CCDC141: variants seen among roughly 807,000 people sequenced by gnomAD.
CCDC141 encodes the protein coiled-coil domain containing 141.
Under a neutral mutation model 181.0 loss-of-function variants are expected in CCDC141, and 168 were observed. That is an observed-to-expected ratio of 0.93 (90% confidence interval 0.82 to 1.05). CCDC141 has a LOEUF of 1.05. CCDC141 is among the 50% of genes least tolerant of loss of function. The pLI is 0.00. For synonymous variants in CCDC141, 666 were observed against 642.3 expected, an observed-to-expected ratio of 1.04 and a Z score of -0.56; for missense variants, 1,902 against 1,788.5, an observed-to-expected ratio of 1.06 and a Z score of -1.14.
At chr2:178,821,707 A>T in the CCDC141 span, among the ~76,000 whole-genome samples, 641 of 152,302 alleles carry the variant, frequency 4.2e-3, 3 homozygotes, top group African/African-American at 0.015. Flanking sequence ...AACCACAATG[A>T]GATACCATCT....
rs781468529 is a variant in CCDC141 at position 178,855,421 on chromosome 2, C to T, written c.2986G>A (p.Asp996Asn). Residue 996 changes from aspartate (D) to asparagine (N), a missense_variant, in exon 19 of 24, where the codon GAC becomes AAC. Asp to Asn is a conservative substitution (Grantham distance 23). Coordinates refer to ENST00000443758, the MANE Select transcript of CCDC141 (RefSeq NM_173648.4). The stretch of plus-strand genomic sequence containing the variant: ...TAATCTGTCACAACTTTGTCAAAGT[C>T]ATCCACATGTTTTTGCAAATCCTTC... ...VMKDLQKHVD[D>N]FDKVVTDYKK... The T allele has an allele frequency of 4.3e-6, 7 of 1,611,952 alleles. No homozygotes were observed. The South Asian group carries it at 7.7e-5, about 18-fold the overall frequency.
At chr2:179,032,159 A>G (rs191122462) in intron 2 of CCDC141, among the ~76,000 whole-genome samples, 18 of 152,244 alleles carry the variant, frequency 1.2e-4, no homozygotes, top group Admixed American at 1.2e-3. Context: ...CAGGGGCTTT[A>G]GGTTCCTCAC....
chr2:178,847,560 G>A (rs1684991673), intron 21 of CCDC141, among the ~76,000 whole-genome samples: 1 of 152,104 alleles, frequency 6.6e-6, no homozygotes, highest in African/African-American at 2.4e-5. Context: ...ATAAATACAA[G>A]GCAAAGCATA....
In CCDC141 at chr2:179,013,916, A is replaced by G. The variant is rs988052140; in HGVS notation, c.225+33368T>C. Among the ~76,000 whole-genome samples the G allele has an allele frequency of 5.1e-5, 7 of 137,734 alleles. No individual in the cohort carries two copies. In the East Asian group the frequency reaches 6.8e-4, roughly 13 times the overall value. The allele number at this position is 137,734 out of a possible 152,430, so 90.4% of individuals were successfully genotyped here. A position where few individuals can be genotyped will look rare whatever the true frequency, so the allele number is the denominator to read the frequency against. ...GAACTTGCAGTGAACTGCCAAGATC[A>G]CACCACTGCACTCCAGCCTGGGCTA... On this transcript the variant is annotated intron_variant, in intron 2 of 23. Coordinates refer to ENST00000443758, the MANE Select transcript of CCDC141 (RefSeq NM_173648.4).
At chr2:178,908,360 A>G (rs1688074580) in intron 7 of CCDC141, among the ~76,000 whole-genome samples, 1 of 151,862 alleles carries the variant, frequency 6.6e-6, no homozygotes, top group Admixed American at 6.6e-5. Flanking sequence ...ACACCCAGCT[A>G]ATTTTTGTAT....
chr2:178,820,758 T>C, the CCDC141 span, among the ~76,000 whole-genome samples: 5 of 152,190 alleles, frequency 3.3e-5, no homozygotes, highest in Admixed American at 2.0e-4. Flanking sequence ...AGAAAAATAA[T>C]TTGACTTAAT....
intron 8 of CCDC141, among the ~76,000 whole-genome samples, chr2:178,894,609 C>T (rs993360792): frequency 6.6e-6 from 1 of 151,316 alleles, no homozygotes; most frequent in Non-Finnish European, 1.5e-5. Flanking sequence ...TTAGAAATCA[C>T]AGAAATGAAA....
chr2:178,875,815 A>G (rs2154369597), intron 12 of CCDC141: 1 of 152,338 alleles, frequency 6.6e-6, no homozygotes. Context: ...ACGCAGTTTG[A>G]AAGTATTTGA....
At chr2:178,893,889 G>A (rs919704498) in intron 8 of CCDC141, among the ~76,000 whole-genome samples, 1 of 151,708 alleles carries the variant, frequency 6.6e-6, no homozygotes, top group East Asian at 1.9e-4. Context: ...ACAGAAAGCA[G>A]TAAGTGTGGC....
chr2:178,862,200 T>C (rs1685650834), intron 17 of CCDC141, among the ~76,000 whole-genome samples: 1 of 152,226 alleles, frequency 6.6e-6, no homozygotes. Flanking sequence ...ATATACTAAG[T>C]CCTTTTCTGC....
chr2:178,875,888 G>A (rs766662571), intron 12 of CCDC141: 4 of 152,140 alleles, frequency 2.6e-5, no homozygotes, highest in Admixed American at 6.5e-5. Context: ...ATTGAACCAC[G>A]TAGAAGTGTG....
At chr2:178,865,679 G>A (rs1685814318) in intron 17 of CCDC141, 88 bp downstream of exon 17, 1 of 1,203,962 alleles carries the variant, frequency 8.3e-7, no homozygotes, top group Non-Finnish European at 1.1e-6. Flanking sequence ...GTGTGTGGGA[G>A]TGTGCACAAA....
chr2:178,996,825 G>A (rs938878796), intron 2 of CCDC141, among the ~76,000 whole-genome samples: 2 of 152,106 alleles, frequency 1.3e-5, no homozygotes, highest in African/African-American at 2.4e-5. Context: ...GTATTTTCTC[G>A]AAGAAAGTCA....
intron 4 of CCDC141, among the ~76,000 whole-genome samples, chr2:178,962,969 C>T (rs1690472229): frequency 1.3e-5 from 2 of 152,168 alleles, no homozygotes; most frequent in Admixed American, 1.3e-4. Flanking sequence ...CCTCAAAGTA[C>T]AAATCAGATG....
At chr2:178,857,666 A>T (rs1003298549) in intron 17 of CCDC141, among the ~76,000 whole-genome samples, 1 of 152,206 alleles carries the variant, frequency 6.6e-6, no homozygotes, top group Non-Finnish European at 1.5e-5. Flanking sequence ...ACCAAAGAGA[A>T]GTACAGAGAA....
rs745584384 is a variant in CCDC141, at chr2:178,855,448, T to C, written c.2959A>G (p.Met987Val). The change falls in exon 19 of 24, where the codon ATG becomes GTG. Residue 987 changes from methionine to valine, a missense_variant. Coordinates refer to ENST00000443758, the MANE Select transcript of CCDC141 (RefSeq NM_173648.4). ...SDKVNVLLEV[M>V]KDLQKHVDDF... is the part of the protein sequence containing the mutation. ...TCCACATGTTTTTGCAAATCCTTCA[T>C]GACTTCCAAAAGGACATTAACTTTA... The C allele has an allele frequency of 1.9e-6, 3 of 1,612,060 alleles. No individual in the cohort carries two copies. Among genetic ancestry groups the C allele is most frequent in the African/African-American group, 1.3e-5 (1 of 74,998 alleles).
intron 6 of CCDC141, among the ~76,000 whole-genome samples, chr2:178,941,958 C>CAAAAAAAA (rs66903231): frequency 1.4e-4 from 10 of 71,488 alleles, no homozygotes; most frequent in African/African-American, 5.6e-4. Flanking sequence ...GATCCCATCT[C>CAAAAAAAA]AAAAAAAAAA....
At chr2:178,987,801 T>A (rs1190910349) in intron 2 of CCDC141, among the ~76,000 whole-genome samples, 5 of 149,644 alleles carry the variant, frequency 3.3e-5, no homozygotes, top group African/African-American at 1.2e-4. Context: ...ATGGCAATCA[T>A]TAAAAAGTCA....
chr2:178,866,259 G>A (rs746858582), intron 16 of CCDC141, among the ~76,000 whole-genome samples: 2 of 152,162 alleles, frequency 1.3e-5, no homozygotes, highest in Non-Finnish European at 2.9e-5. Flanking sequence ...TAATTTTCCT[G>A]TCAACTTGAG....
Sources: allele counts gnomAD v4.1 joint callset (sites outside exome capture counted in the v4.1 genomes callset), GRCh38; gene constraint gnomAD v4.1.1; transcripts MANE v1.5; gene names NCBI Gene and HGNC (gene_info 2026-07-23, HGNC 2026-07-21).